KIF19: variants seen among roughly 807,000 people sequenced by gnomAD.
The protein encoded by KIF19 is kinesin-like protein KIF19.
In KIF19, 98 loss-of-function variants were observed where a neutral mutation model predicts 106.6. The observed-to-expected ratio is 0.92, with a 90% confidence interval of 0.78 to 1.09. The LOEUF is 1.09. KIF19 is among the 50% of genes least tolerant of loss of function. The pLI is 0.00. For missense variants in KIF19, 1,373 were observed against 1,414.3 expected, an observed-to-expected ratio of 0.97 and a Z score of 0.47; for synonymous variants, 516 against 584.2, an observed-to-expected ratio of 0.88 and a Z score of 1.68.
intron 12 of KIF19, 127 bp downstream of exon 12, chr17:74,351,032 T>C (rs2054687703): frequency 2.2e-6 from 2 of 919,802 alleles, no homozygotes; most frequent in Admixed American, 1.9e-5. Context: ...ACAAATCCTG[T>C]GTGACTTTGC....
intron 2 of KIF19, among the ~76,000 whole-genome samples, chr17:74,332,733 C>T (rs1303582878): frequency 2.0e-5 from 3 of 152,150 alleles, no homozygotes; most frequent in Non-Finnish European, 4.4e-5. Context: ...GGCCGGACAG[C>T]GTGACTCCTG....
chr17:74,342,878 GCAT>G (rs1429608350), intron 4 of KIF19, 143 bp from the exon 5 acceptor site: 3 of 1,192,660 alleles, frequency 2.5e-6, no homozygotes, highest in Non-Finnish European at 1.2e-6. Flanking sequence ...CCGAGCCGGG[GCAT>G]CATCCTCCCC....
chr17:74,326,540 C>T (rs2053914525), intron 1 of KIF19, among the ~76,000 whole-genome samples, 152 bp downstream of exon 1: 1 of 152,230 alleles, frequency 6.6e-6, no homozygotes, highest in African/African-American at 2.4e-5. Context: ...TCCCCAAGTC[C>T]TGCAGGATGG....
Position 74,355,376 on chromosome 17 carries a change from G to C in KIF19, c.*64G>C. The C allele has an allele frequency of 6.7e-7, 1 of 1,489,632 alleles. No homozygotes were observed. Among genetic ancestry groups the C allele is most frequent in the East Asian group, 2.4e-5 (1 of 41,058 alleles). The allele number at this position is 1,489,632 out of a possible 1,614,324, so 92.3% of individuals were successfully genotyped here. On this transcript the variant is annotated 3_prime_UTR_variant, in exon 20 of 20. Coordinates refer to ENST00000389916, the MANE Select transcript of KIF19 (RefSeq NM_153209.4). ...CTGAATGGGGTCTAGCAGGGCATGG[G>C]AGGTGGAGGCTGGGCAGATGGAGAT...
chr17:74,347,870 G>C lies in KIF19; in HGVS notation c.1018G>C (p.Ala340Pro). 6.3e-7 allele frequency: 1 copy of C among 1,583,528 alleles called. No homozygotes were observed. The highest frequency in any genetic ancestry group is 8.6e-7 in the Non-Finnish European group (1 of 1,165,478). ...FEESRNTLTY[A>P]GRAKNIKTRV... ...GGAGTCCCGGAACACCCTGACCTAC[G>C]CCGGCCGGGCCAAGAACATTAAGAC... Residue 340 changes from alanine to proline, a missense_variant, in exon 9 of 20, where the codon GCC becomes CCC. Transcript: ENST00000389916.
intron 3 of KIF19, among the ~76,000 whole-genome samples, chr17:74,342,305 C>T (rs1299077742): frequency 1.3e-5 from 2 of 152,206 alleles, no homozygotes; most frequent in African/African-American, 2.4e-5. Flanking sequence ...GTGGGTTCAG[C>T]GAAGCTGACA....
At chr17:74,345,121 G>C (rs1303376476) in intron 7 of KIF19, among the ~76,000 whole-genome samples, 166 bp downstream of exon 7, 2 of 152,216 alleles carry the variant, frequency 1.3e-5, no homozygotes, top group Admixed American at 1.3e-4. Context: ...GAGTTGGAGC[G>C]GGGAGGATGT....
rs764320324 is a variant in KIF19, at chr17:74,344,737, C to A, written c.583-24C>A. On this transcript the variant is annotated intron_variant, in intron 6 of 19. Transcript: ENST00000389916. ...GAGCACCTACGGCAGTCGCTAAGAG[C>A]TGCCTCTCCTCCCTCCCACCCAGAT... The A allele has an allele frequency of 1.9e-6, 3 of 1,591,406 alleles. No individual in the cohort carries two copies. In the South Asian group the frequency reaches 3.3e-5, roughly 18 times the overall value.
At position 74,344,825 on chromosome 17, in the gene KIF19, C is replaced by T. The variant is rs760743166; in HGVS notation, c.647C>T (p.Thr216Met). 4 of 1,612,484 alleles carry T rather than the reference C, an allele frequency of 2.5e-6. No homozygotes were observed. Among genetic ancestry groups the T allele is most frequent in the African/African-American group, 1.3e-5 (1 of 74,950 alleles). ...CAGGAGCCCACGGCCGCCAACCAGA[C>T]GTCCTCCCGCTCCCACGCGGTACTG... The part of the protein sequence containing the change: ...RTQEPTAANQ[T>M]SSRSHAVLQV... The change falls in exon 7 of 20, where the codon ACG (threonine) becomes ATG (methionine). Residue 216 changes from threonine to methionine, a missense_variant. Around this residue, in one of 3 missense-constraint regions of KIF19, gnomAD observed 348 missense variants for 389.5 expected, o/e 0.89. Coordinates refer to ENST00000389916, the MANE Select transcript of KIF19 (RefSeq NM_153209.4).
chr17:74,332,210 T>TGTGTTTG (rs1567897631), intron 2 of KIF19, among the ~76,000 whole-genome samples: 14 of 108,848 alleles, frequency 1.3e-4, no homozygotes, highest in South Asian at 6.5e-4. Context: ...GTGTGTGTGT[T>TGTGTTTG]TGTGTGTGTG....
In KIF19 at chr17:74,354,516, G is replaced by T; in HGVS notation, c.2663G>T (p.Arg888Ile). The T allele has an allele frequency of 6.2e-7, 1 of 1,603,220 alleles. No homozygotes were observed. The highest frequency in any genetic ancestry group is 8.5e-7 in the Non-Finnish European group (1 of 1,175,700). Reference protein sequence around the residue: ...KKREESLEAKRRKRRSRSFEV... With the variant: ...KKREESLEAKIRKRRSRSFEV... ...AGGGAGGAGTCGCTGGAGGCAAAGAGAAGGAAGCGGAGGTCCCGATCCTTC... is the reference window on the plus strand; with the variant it reads ...AGGGAGGAGTCGCTGGAGGCAAAGATAAGGAAGCGGAGGTCCCGATCCTTC... The change falls in exon 18 of 20, where the codon AGA (arginine) becomes ATA (isoleucine). Residue 888 changes from arginine to isoleucine, a missense_variant. Coordinates refer to ENST00000389916, the MANE Select transcript of KIF19 (RefSeq NM_153209.4).
intron 14 of KIF19, 35 bp downstream of exon 14, chr17:74,352,375 C>G (rs777924446): frequency 6.3e-7 from 1 of 1,583,182 alleles, no homozygotes; most frequent in South Asian, 1.2e-5. Flanking sequence ...AACATGGGCA[C>G]ATGTGCCCAG....
Position 74,352,333 on chromosome 17 carries a change from C to T in KIF19, c.1973C>T (p.Ala658Val), listed in dbSNP as rs765168034. ...ATCATGGACCAAGTGGCCTCCAGGG[C>T]CCTGCAGGTGGGTGGGCGCCTGGGC... ...ATIMDQVASRALQDSSLPKIT... is the reference protein window; with the variant it reads ...ATIMDQVASRVLQDSSLPKIT... The change falls in exon 14 of 20, where the codon GCC becomes GTC. Residue 658 changes from alanine (A) to valine (V), a missense_variant. Physicochemically the swap from Ala to Val is moderately conservative, Grantham distance 64. Transcript: ENST00000389916. 5 of 1,607,226 alleles carry T rather than the reference C, an allele frequency of 3.1e-6. No homozygotes were observed. The highest frequency in any genetic ancestry group is 4.2e-6 in the Non-Finnish European group (5 of 1,177,626).
At chr17:74,339,030 C>T (rs62063575) in intron 2 of KIF19, among the ~76,000 whole-genome samples, 1,781 of 152,088 alleles carry the variant, frequency 0.012, 40 homozygotes, top group Non-Finnish European at 0.018. Context: ...AGCCCACCCT[C>T]CTCAGTACCC....
intron 12 of KIF19, 63 bp downstream of exon 12, chr17:74,350,968 G>A (rs572188452): frequency 6.4e-7 from 1 of 1,568,514 alleles, no homozygotes; most frequent in East Asian, 2.2e-5. Context: ...AGGTTTGAGA[G>A]GCAAGGCGGA....
intron 5 of KIF19, among the ~76,000 whole-genome samples, chr17:74,343,362 C>T (rs62063599): frequency 0.23 from 34,251 of 152,120 alleles, 4,637 homozygotes; most frequent in Middle Eastern, 0.38. Context: ...GATTCAAACT[C>T]AGGACCCTGC....
At chr17:74,344,549 C>G (rs1329855588) in intron 6 of KIF19, among the ~76,000 whole-genome samples, 1 of 152,220 alleles carries the variant, frequency 6.6e-6, no homozygotes, top group African/African-American at 2.4e-5. Context: ...AGTAACCAGG[C>G]AACACTGCCT....
At chr17:74,333,473 C>T (rs2054145781) in intron 2 of KIF19, among the ~76,000 whole-genome samples, 1 of 149,592 alleles carries the variant, frequency 6.7e-6, no homozygotes, top group South Asian at 2.1e-4. Context: ...AGTGAGTCTT[C>T]TGTCTCAGTC....
rs764605218 is a variant in KIF19 at position 74,349,315 on chromosome 17, C to CCGGCAGGAT, written c.1183_1191dup (p.Gln395_Arg397dup). 3.2e-5 allele frequency: 52 copies of CCGGCAGGAT among 1,608,258 alleles called. No homozygotes were observed. Among genetic ancestry groups the CCGGCAGGAT allele is most frequent in the Non-Finnish European group, 4.3e-5 (51 of 1,177,492 alleles). On this transcript the variant is annotated inframe_insertion, in exon 10 of 20. Coordinates refer to ENST00000389916, the MANE Select transcript of KIF19 (RefSeq NM_153209.4). The stretch of plus-strand genomic sequence containing the variant: ...AGACTGGGCGGGGCCAGGCCCGGGG[C>CCGGCAGGAT]CGGCAGGATCGGGGTGACATCCGCC...
Sources: allele counts gnomAD v4.1 joint callset (sites outside exome capture counted in the v4.1 genomes callset), GRCh38; gene constraint gnomAD v4.1.1; regional missense constraint gnomAD v4.1.1; transcripts MANE v1.5; gene names NCBI Gene and HGNC (gene_info 2026-07-23, HGNC 2026-07-21).